NMBR: variants seen among roughly 807,000 people sequenced by gnomAD.
NMBR encodes neuromedin B receptor, also known as neuromedin-B receptor.
NMBR carries 16 observed loss-of-function variants against 20.5 expected under a neutral mutation model. That is an observed-to-expected ratio of 0.78 (90% CI 0.53 to 1.19). NMBR has a LOEUF of 1.19. NMBR is among the 50% of genes most tolerant of loss of function. The pLI is 0.00. For synonymous variants in NMBR, 212 were observed against 196.6 expected, an observed-to-expected ratio of 1.08 and a Z score of -0.65; for missense variants, 582 against 499.1, an observed-to-expected ratio of 1.17 and a Z score of -1.58.
At chr6:142,115,521 G>T (rs9496280) in intron 1 of NMBR, among the ~76,000 whole-genome samples, 32 of 152,128 alleles carry the variant, frequency 2.1e-4, no homozygotes, top group African/African-American at 7.5e-4. Context: ...GGAAACAACA[G>T]AGTCAAAAAT....
At chr6:142,100,817 A>C (rs1486890527) in intron 1 of NMBR, among the ~76,000 whole-genome samples, 1 of 152,220 alleles carries the variant, frequency 6.6e-6, no homozygotes, top group Admixed American at 6.5e-5. Flanking sequence ...TAGGAGACAT[A>C]ACTATACTTT....
At chr6:142,128,595 C>T (rs1160323862) in intron 1 of NMBR, among the ~76,000 whole-genome samples, 1 of 152,010 alleles carries the variant, frequency 6.6e-6, no homozygotes, top group East Asian at 1.9e-4. Context: ...TGAATTTTGT[C>T]AAATGATCTT....
intron 2 of NMBR, among the ~76,000 whole-genome samples, chr6:142,085,682 A>G (rs1201176519): frequency 2.0e-5 from 3 of 152,200 alleles, no homozygotes; most frequent in Non-Finnish European, 4.4e-5. Context: ...AATGAAGTGT[A>G]GAATATGAGT....
At chr6:142,105,863 T>A (rs1333128782) in intron 1 of NMBR, among the ~76,000 whole-genome samples, 1 of 152,198 alleles carries the variant, frequency 6.6e-6, no homozygotes, top group Non-Finnish European at 1.5e-5. Flanking sequence ...AAATTAGTGC[T>A]TATTAACACC....
In NMBR at chr6:142,088,926, G is replaced by A. The variant is rs1333365242; in HGVS notation, c.-268C>T. The A allele has an allele frequency of 5.1e-6, 2 of 391,634 alleles. No homozygotes were observed. The highest frequency in any genetic ancestry group is 2.0e-5 in the African/African-American group (1 of 49,976). The allele number at this position is 391,634 out of a possible 1,614,324, so 24.3% of individuals were successfully genotyped here. A position where few individuals can be genotyped will look rare whatever the true frequency, so the allele number is the denominator to read the frequency against. ...TTAAAAAAAAAAAAAAAGCAAAGCG[G>A]TTGCGTCTTTGTTCCGTATTCAGTG... On this transcript the variant is annotated 5_prime_UTR_variant, in exon 2 of 4. Transcript: ENST00000258042.
chr6:142,083,917 C>T (rs1175120940), intron 2 of NMBR, among the ~76,000 whole-genome samples: 5 of 152,146 alleles, frequency 3.3e-5, no homozygotes, highest in Non-Finnish European at 7.3e-5. Flanking sequence ...AGTCATCACT[C>T]TAGCATTATA....
rs114171668 is a variant in NMBR at position 142,127,697 on chromosome 6, G to A, written c.-664+19347C>T. On this transcript the variant is annotated intron_variant, in intron 1 of 3. Coordinates refer to ENST00000258042, the MANE Select transcript of NMBR (RefSeq NM_002511.4). ...ATAATTTTCATTGTACAAGTCTTTC[G>A]CCTCTTTGGTTCAGTTAATTCCTGA... Among the ~76,000 whole-genome samples the A allele has an allele frequency of 1.5e-3, 231 of 150,696 alleles. 1 individual carries two copies. Among genetic ancestry groups the A allele is most frequent in the African/African-American group, 4.3e-3 (177 of 41,074 alleles).
chr6:142,090,816 A>G (rs537761242), intron 1 of NMBR, among the ~76,000 whole-genome samples: 105 of 151,916 alleles, frequency 6.9e-4, no homozygotes, highest in African/African-American at 2.4e-3. Flanking sequence ...ATGCCATTTT[A>G]ACATATTTTA....
Position 142,088,554 on chromosome 6 carries a change from C to T in NMBR, c.105G>A (p.Gly35=). ...AGCGGATCACCAACTCCGTGGTGGT[C>T]CCGTCCGAGGCCGGCAGGAAATCCC... ...WERDFLPASD[G]TTTELVIRCV... Residue 35 remains glycine (G), a synonymous_variant, in exon 2 of 4, where the codon GGG becomes GGA. Coordinates refer to ENST00000258042, the MANE Select transcript of NMBR (RefSeq NM_002511.4). 4 of 1,613,946 alleles carry T rather than the reference C, an allele frequency of 2.5e-6. No individual in the cohort carries two copies. The highest frequency in any genetic ancestry group is 3.4e-6 in the Non-Finnish European group (4 of 1,180,014).
chr6:142,093,930 T>G (rs1372455085), intron 1 of NMBR, among the ~76,000 whole-genome samples: 1 of 151,214 alleles, frequency 6.6e-6, no homozygotes, highest in Non-Finnish European at 1.5e-5. Context: ...TTCATGTGTT[T>G]TTTGGCTGCA....
intron 1 of NMBR, among the ~76,000 whole-genome samples, chr6:142,109,476 C>CTTTTTT (rs77684305): frequency 4.0e-4 from 43 of 108,290 alleles, no homozygotes; most frequent in Middle Eastern, 6.5e-3. Flanking sequence ...TTGGGTATGT[C>CTTTTTT]TTTTTTTTTT....
rs200842223 is a variant in NMBR, at chr6:142,121,616, C to CT, written c.-664+25427dup. Among the ~76,000 whole-genome samples the CT allele has an allele frequency of 3.8e-3, 576 of 150,614 alleles. 4 individuals are homozygous for CT. Among genetic ancestry groups the CT allele is most frequent in the African/African-American group, 0.011 (470 of 41,034 alleles). On this transcript the variant is annotated intron_variant, in intron 1 of 3. Transcript: ENST00000258042. ...TTAGCTTCAAAACACATTTTAAAAC[C>CT]TTTTTTTTTCATTTTCTGTTTTCTC... is the stretch of plus-strand genomic sequence containing the variant.
rs571345643 is a variant in NMBR at position 142,094,820 on chromosome 6, T to G, written c.-663-5499A>C. 1.8e-4 allele frequency among the ~76,000 whole-genome samples: 27 copies of G among 152,310 alleles called. 1 individual carries two copies. In the East Asian group the frequency reaches 5.0e-3, roughly 28 times the overall value. On this transcript the variant is annotated intron_variant, in intron 1 of 3. Transcript: ENST00000258042. ...TCTTCCATTTCTTTGTATCCTCTTT[T>G]ATTTCATTGAGCAGTGGTTTGTAGT...
Position 142,075,071 on chromosome 6 carries a change from CGT to C in NMBR, c.*575_*576del, listed in dbSNP as rs1292887128. Among the ~76,000 whole-genome samples, 5 of 147,302 alleles carry C rather than the reference CGT, an allele frequency of 3.4e-5. No individual in the cohort carries two copies. Among genetic ancestry groups the C allele is most frequent in the African/African-American group, 1.3e-4 (5 of 39,240 alleles). On this transcript the variant is annotated 3_prime_UTR_variant, in exon 4 of 4. Coordinates refer to ENST00000258042, the MANE Select transcript of NMBR (RefSeq NM_002511.4). ...TTTCTTATTTTCTTAAAATGAAGGA[CGT>C]GTGTGTGTGTACATATATACATATA...
In NMBR at chr6:142,075,469, T is replaced by C. The variant is rs1776914119; in HGVS notation, c.*179A>G. The C allele has an allele frequency of 1.8e-6, 1 of 550,820 alleles. No homozygotes were observed. The highest frequency in any genetic ancestry group is 1.9e-5 in the African/African-American group (1 of 52,556). 34.1% of individuals were successfully genotyped at this position (550,820 alleles called of 1,614,324 possible). A position where few individuals can be genotyped will look rare whatever the true frequency, so the allele number is the denominator to read the frequency against. On this transcript the variant is annotated 3_prime_UTR_variant, in exon 4 of 4. Coordinates refer to ENST00000258042, the MANE Select transcript of NMBR (RefSeq NM_002511.4). Reference sequence around the variant, plus strand: ...TTAAAGTCTTTTCTCATATTCTAATTATTAGGAAATGAAAAGAGAAAAAAT... The same window carrying C: ...TTAAAGTCTTTTCTCATATTCTAATCATTAGGAAATGAAAAGAGAAAAAAT...
intron 1 of NMBR, chr6:142,134,916 A>G: frequency 1.8e-6 from 1 of 555,424 alleles, no homozygotes; most frequent in Non-Finnish European, 3.2e-6. Context: ...TTCCATTCAG[A>G]CAATGACCAA....
At chr6:142,094,916 T>C (rs1039421714) in intron 1 of NMBR, among the ~76,000 whole-genome samples, 11 of 152,220 alleles carry the variant, frequency 7.2e-5, no homozygotes, top group Non-Finnish European at 1.5e-4. Context: ...TTGAAGCAAT[T>C]GTGAATGGGA....
chr6:142,100,166 T>C (rs1350703238), intron 1 of NMBR, among the ~76,000 whole-genome samples: 1 of 152,184 alleles, frequency 6.6e-6, no homozygotes, highest in Non-Finnish European at 1.5e-5. Flanking sequence ...TCATACAAAA[T>C]TAAACATACT....
intron 1 of NMBR, among the ~76,000 whole-genome samples, chr6:142,104,623 A>T (rs1419673114): frequency 2.6e-5 from 4 of 152,238 alleles, no homozygotes; most frequent in Non-Finnish European, 5.9e-5. Flanking sequence ...AAAGATTTTT[A>T]AAAATAAAAA....
Sources: allele counts gnomAD v4.1 joint callset (sites outside exome capture counted in the v4.1 genomes callset), GRCh38; gene constraint gnomAD v4.1.1; transcripts MANE v1.5; gene names NCBI Gene and HGNC (gene_info 2026-07-23, HGNC 2026-07-21).